MCM9: variants seen among roughly 807,000 people sequenced by gnomAD.
The protein encoded by MCM9 is minichromosome maintenance 9 homologous recombination repair factor, also known as DNA helicase MCM9.
MCM9 carries 55 observed loss-of-function variants against 72.8 expected under a neutral mutation model. The observed-to-expected ratio is 0.76, with a 90% CI of 0.61 to 0.95. MCM9 has a LOEUF of 0.95. Ranked by LOEUF, MCM9 falls within the 40% of genes least tolerant of loss-of-function variation. The pLI is 0.00. For synonymous variants in MCM9, 480 were observed against 503.4 expected, an observed-to-expected ratio of 0.95 and a Z score of 0.62; for missense variants, 1,279 against 1,377.0, an observed-to-expected ratio of 0.93 and a Z score of 1.13.
intron 13 of MCM9, among the ~76,000 whole-genome samples, chr6:118,818,879 T>G (rs912216711): frequency 5.9e-5 from 9 of 152,204 alleles, no homozygotes; most frequent in African/African-American, 2.2e-4. Context: ...TATTTTATTT[T>G]CTTTGTAGCA....
At chr6:118,818,278 T>C (rs112993524) in intron 13 of MCM9, among the ~76,000 whole-genome samples, 4 of 152,368 alleles carry the variant, frequency 2.6e-5, no homozygotes, top group African/African-American at 9.6e-5. Context: ...AATTCAAGTC[T>C]TTAATCCAAC....
intron 4 of MCM9, among the ~76,000 whole-genome samples, chr6:118,923,252 G>A (rs1442796098): frequency 2.0e-5 from 3 of 151,320 alleles, no homozygotes; most frequent in Non-Finnish European, 4.4e-5. Flanking sequence ...ATAAGAGTGG[G>A]TCCAAACTCC....
intron 9 of MCM9, among the ~76,000 whole-genome samples, chr6:118,835,417 T>C (rs1228406330): frequency 9.9e-5 from 15 of 152,234 alleles, no homozygotes; most frequent in African/African-American, 1.4e-4. Context: ...GGGGATAGAA[T>C]TGAATCTATA....
chr6:118,867,729 A>G (rs916793488), intron 8 of MCM9, among the ~76,000 whole-genome samples: 3 of 152,264 alleles, frequency 2.0e-5, no homozygotes. Context: ...ACACTCAATG[A>G]TGTTCATACA....
At chr6:118,895,190 C>T (rs1158522123) in intron 8 of MCM9, among the ~76,000 whole-genome samples, 2 of 151,666 alleles carry the variant, frequency 1.3e-5, no homozygotes, top group Non-Finnish European at 2.9e-5. Flanking sequence ...CAGGCTCGGC[C>T]CCTCCGCGCC....
chr6:118,892,407 TTG>T (rs748434167), intron 8 of MCM9, among the ~76,000 whole-genome samples: 1 of 152,218 alleles, frequency 6.6e-6, no homozygotes, highest in Non-Finnish European at 1.5e-5. Flanking sequence ...ACTAGTCTCA[TTG>T]TAACACTTAC....
chr6:118,834,338 T>C (rs933050250), intron 9 of MCM9, among the ~76,000 whole-genome samples: 4 of 152,354 alleles, frequency 2.6e-5, no homozygotes, highest in African/African-American at 9.6e-5. Flanking sequence ...TATGTGTCTT[T>C]ATAGTAGAAT....
chr6:118,837,541 T>C (rs1775046734), intron 9 of MCM9, among the ~76,000 whole-genome samples: 1 of 152,338 alleles, frequency 6.6e-6, no homozygotes, highest in Admixed American at 6.5e-5. Context: ...GCTTTATGAA[T>C]CTGGGTGCTC....
chr6:118,906,543 T>C (rs1343458729), intron 8 of MCM9, among the ~76,000 whole-genome samples: 1 of 152,236 alleles, frequency 6.6e-6, no homozygotes, highest in African/African-American at 2.4e-5. Flanking sequence ...TTCCCAAAAT[T>C]ATGAAAGTTT....
intron 8 of MCM9, among the ~76,000 whole-genome samples, chr6:118,897,442 T>TTATA (rs34389809): frequency 1.1e-4 from 16 of 151,176 alleles, no homozygotes; most frequent in African/African-American, 3.9e-4. Flanking sequence ...ATTCTTAAAT[T>TTATA]TATATATATA....
intron 8 of MCM9, among the ~76,000 whole-genome samples, chr6:118,880,233 G>T (rs1364664226): frequency 6.6e-6 from 1 of 151,928 alleles, no homozygotes; most frequent in East Asian, 1.9e-4. Context: ...TATGGAAGAG[G>T]AATTAGATAA....
intron 8 of MCM9, among the ~76,000 whole-genome samples, chr6:118,899,369 T>G (rs1779653586): frequency 6.6e-6 from 1 of 152,152 alleles, no homozygotes; most frequent in Non-Finnish European, 1.5e-5. Flanking sequence ...GGTTTGGTGC[T>G]TTCCTCCTTC....
chr6:118,837,038 C>CT (rs1282148988), intron 9 of MCM9, among the ~76,000 whole-genome samples: 2 of 152,192 alleles, frequency 1.3e-5, no homozygotes, highest in Non-Finnish European at 2.9e-5. Context: ...CTGAACACTG[C>CT]TTTAGCTGTG....
At chr6:118,822,844 C>T (rs946441538) in intron 13 of MCM9, among the ~76,000 whole-genome samples, 5 of 152,164 alleles carry the variant, frequency 3.3e-5, no homozygotes, top group Non-Finnish European at 5.9e-5. Context: ...AGGTATCTGG[C>T]CACAGCCAAT....
chr6:118,895,421 C>T (rs1779325686), intron 8 of MCM9, among the ~76,000 whole-genome samples: 1 of 152,144 alleles, frequency 6.6e-6, no homozygotes. Context: ...AAATAATTTC[C>T]AGGACTTAAT....
chr6:118,926,631 A>G (rs1306963668), intron 3 of MCM9, among the ~76,000 whole-genome samples: 1 of 152,196 alleles, frequency 6.6e-6, no homozygotes, highest in Admixed American at 6.5e-5. Flanking sequence ...TTATGACTAA[A>G]TAATATTCCA....
At chr6:118,826,934 C>T in intron 11 of MCM9, 70 bp from the exon 12 acceptor site, 2 of 1,205,334 alleles carry the variant, frequency 1.7e-6, no homozygotes, top group East Asian at 2.5e-5. Flanking sequence ...TAACTTCCTC[C>T]TCCTCACCAT....
At chr6:118,817,454 C>A (rs1432712997) in intron 13 of MCM9, among the ~76,000 whole-genome samples, 1 of 152,132 alleles carries the variant, frequency 6.6e-6, no homozygotes, top group Non-Finnish European at 1.5e-5. Flanking sequence ...CATGTCCCTG[C>A]AAAGGATATG....
chr6:118,825,429 C>T (rs937147891), intron 13 of MCM9, among the ~76,000 whole-genome samples: 3 of 151,956 alleles, frequency 2.0e-5, no homozygotes, highest in South Asian at 4.2e-4. Flanking sequence ...TTTTTTTTAA[C>T]GTAGTCAACA....
Sources: allele counts gnomAD v4.1 joint callset (sites outside exome capture counted in the v4.1 genomes callset), GRCh38; gene constraint gnomAD v4.1.1; transcripts MANE v1.5; gene names NCBI Gene and HGNC (gene_info 2026-07-23, HGNC 2026-07-21).